The following AFG2A variants were observed in gnomAD, a reference collection of about 807,000 sequenced individuals.
AFG2A encodes ATPase family gene 2 protein homolog A.
the AFG2A span, among the ~76,000 whole-genome samples, chr4:123,221,770 C>CA: frequency 2.6e-5 from 4 of 151,754 alleles, no homozygotes; most frequent in East Asian, 1.9e-4. Context: ...ACTAAAAATA[C>CA]AAAAAAATTA....
chr4:122,923,239 C>G, the AFG2A span: 7 of 1,614,086 alleles, frequency 4.3e-6, no homozygotes, highest in African/African-American at 5.3e-5. Context: ...GGCACGGGCT[C>G]CTTCTGCTGG....
At chr4:123,091,566 A>T in the AFG2A span, among the ~76,000 whole-genome samples, 1 of 152,228 alleles carries the variant, frequency 6.6e-6, no homozygotes, top group African/African-American at 2.4e-5. Context: ...GTTGCCATCA[A>T]CACAAGAACT....
the AFG2A span, among the ~76,000 whole-genome samples, chr4:123,237,085 C>G: frequency 6.6e-6 from 1 of 152,178 alleles, no homozygotes. Context: ...AGAAAGTTTT[C>G]CTGTAAAAGG....
chr4:123,043,682 A>C, the AFG2A span, among the ~76,000 whole-genome samples: 2 of 152,188 alleles, frequency 1.3e-5, no homozygotes, highest in Admixed American at 6.5e-5. Flanking sequence ...AAAATTTTTA[A>C]AGATTAAGAA....
At chr4:122,958,936 G>T in the AFG2A span, among the ~76,000 whole-genome samples, 1 of 152,152 alleles carries the variant, frequency 6.6e-6, no homozygotes, top group African/African-American at 2.4e-5. Flanking sequence ...GTCTGTGACT[G>T]GACATTTGAT....
chr4:123,003,493 T>G, the AFG2A span, among the ~76,000 whole-genome samples: 6 of 152,208 alleles, frequency 3.9e-5, no homozygotes, highest in Non-Finnish European at 8.8e-5. Flanking sequence ...GGTGTGGATG[T>G]CCTTTCTGTT....
chr4:122,986,872 T>C, the AFG2A span, among the ~76,000 whole-genome samples: 1 of 152,230 alleles, frequency 6.6e-6, no homozygotes, highest in Non-Finnish European at 1.5e-5. Context: ...TGCTGTTTCC[T>C]TATTGATTTT....
At chr4:123,261,507 A>G in the AFG2A span, among the ~76,000 whole-genome samples, 1 of 152,184 alleles carries the variant, frequency 6.6e-6, no homozygotes, top group Non-Finnish European at 1.5e-5. Context: ...TCTAGAGATG[A>G]TGTATACAAG....
chr4:123,214,748 T>C, the AFG2A span, among the ~76,000 whole-genome samples: 1 of 152,056 alleles, frequency 6.6e-6, no homozygotes, highest in African/African-American at 2.4e-5. Context: ...GATGAAGACA[T>C]GAAGACCTTT....
At chr4:123,242,903 GA>G in the AFG2A span, among the ~76,000 whole-genome samples, 3 of 151,102 alleles carry the variant, frequency 2.0e-5, no homozygotes, top group Non-Finnish European at 4.4e-5. Flanking sequence ...AAATTTACAA[GA>G]AAAAAAACAA....
At chr4:123,130,218 T>C in the AFG2A span, among the ~76,000 whole-genome samples, 17 of 152,138 alleles carry the variant, frequency 1.1e-4, no homozygotes, top group African/African-American at 3.6e-4. Flanking sequence ...GGTCTCTCTA[T>C]GTTGCTGAGG....
chr4:123,006,303 C>T, the AFG2A span, among the ~76,000 whole-genome samples: 52 of 152,036 alleles, frequency 3.4e-4, 1 homozygote, highest in East Asian at 6.4e-3. Flanking sequence ...ACATGTCCCC[C>T]GGCCCCACCT....
chr4:123,211,632 G>A, the AFG2A span, among the ~76,000 whole-genome samples: 2 of 152,132 alleles, frequency 1.3e-5, no homozygotes, highest in Non-Finnish European at 2.9e-5. Flanking sequence ...ACAATTTGGG[G>A]TAAATGTCTA....
the AFG2A span, among the ~76,000 whole-genome samples, chr4:123,299,117 A>ATGTGTG: frequency 0.017 from 2,464 of 147,186 alleles, 33 homozygotes; most frequent in South Asian, 0.037. Flanking sequence ...GCATCTGCCA[A>ATGTGTG]TGTGTGTGTG....
At chr4:123,109,730 C>T in the AFG2A span, among the ~76,000 whole-genome samples, 121 of 152,200 alleles carry the variant, frequency 8.0e-4, no homozygotes, top group Admixed American at 2.3e-3. Flanking sequence ...TACTTATACA[C>T]AGTATTTATT....
At chr4:123,039,094 C>G in the AFG2A span, among the ~76,000 whole-genome samples, 1 of 151,932 alleles carries the variant, frequency 6.6e-6, no homozygotes, top group African/African-American at 2.4e-5. Context: ...AACATTAATG[C>G]CTAGGTTATC....
chr4:123,184,425 T>C, the AFG2A span, among the ~76,000 whole-genome samples: 1 of 152,122 alleles, frequency 6.6e-6, no homozygotes, highest in Non-Finnish European at 1.5e-5. Context: ...GCTGTCCGAC[T>C]TAAGAAGAAA....
chr4:123,159,199 TATAG>T, the AFG2A span, among the ~76,000 whole-genome samples: 15 of 152,208 alleles, frequency 9.9e-5, no homozygotes, highest in Non-Finnish European at 1.6e-4. Flanking sequence ...CTGAAGGATT[TATAG>T]ATAATTTATT....
At chr4:123,269,114 C>G in the AFG2A span, among the ~76,000 whole-genome samples, 1 of 152,176 alleles carries the variant, frequency 6.6e-6, no homozygotes, top group African/African-American at 2.4e-5. Context: ...TTTTAGAATT[C>G]AGTGTTACTG....
Sources: gnomAD v4.1 joint callset for allele counts (sites outside exome capture counted in the v4.1 genomes callset) on GRCh38, gnomAD v4.1.1 for gene constraint, MANE v1.5 for transcripts, NCBI Gene and HGNC (gene_info 2026-07-23, HGNC 2026-07-21) for gene names.